Variants in RET observed in about 807,000 individuals in gnomAD.
The protein encoded by RET is ret proto-oncogene, also known as proto-oncogene tyrosine-protein kinase receptor Ret.
A neutral mutation model predicts 118.3 loss-of-function variants in RET; 19 were observed. The ratio of observed to expected loss-of-function variants is 0.16; its 90% CI spans 0.11 to 0.24. RET has a LOEUF of 0.24. Ranked by LOEUF, RET falls within the 10% of genes least tolerant of loss-of-function variation. The pLI, the probability that RET is intolerant of heterozygous loss-of-function variation, is 1.00. For synonymous variants in RET, 597 were observed against 644.1 expected, an observed-to-expected ratio of 0.93 and a Z score of 1.11; for missense variants, 1,219 against 1,502.1, an observed-to-expected ratio of 0.81 and a Z score of 3.12.
At chr10:43,125,045 C>T (rs932479394) in intron 18 of RET, 63 bp downstream of exon 18, 32 of 1,483,772 alleles carry the variant, frequency 2.2e-5, no homozygotes, top group Non-Finnish European at 2.9e-5. Context: ...AGCCTCACCC[C>T]AGGGCAGTAG....
At chr10:43,116,015 T>C (rs1203471887) in intron 11 of RET, among the ~76,000 whole-genome samples, 2 of 152,106 alleles carry the variant, frequency 1.3e-5, no homozygotes, top group African/African-American at 4.8e-5. Flanking sequence ...AGAGTTCAAG[T>C]ACTGGGGGCC....
chr10:43,120,257 G>C (rs2132966331), intron 15 of RET, 54 bp downstream of exon 15: 7 of 1,607,394 alleles, frequency 4.4e-6, no homozygotes, highest in Non-Finnish European at 5.1e-6. Flanking sequence ...GTGCACCATG[G>C]GGCAGGCAGT....
chr10:43,081,193 C>T (rs999053022), intron 1 of RET, among the ~76,000 whole-genome samples: 1 of 141,570 alleles, frequency 7.1e-6, no homozygotes, highest in Non-Finnish European at 1.6e-5. Flanking sequence ...CCCCCCCCAT[C>T]CCCCCTTCCT....
intron 1 of RET, among the ~76,000 whole-genome samples, chr10:43,086,421 C>G (rs533923516): frequency 6.6e-6 from 1 of 152,312 alleles, no homozygotes; most frequent in South Asian, 2.1e-4. Flanking sequence ...CTTAAATTTG[C>G]ACATGGACAT....
rs1838030104 is a variant in RET, at chr10:43,114,684, C to G, written c.2084C>G (p.Pro695Arg). The G allele has an allele frequency of 6.2e-7, 1 of 1,612,448 alleles. No homozygotes were observed. Among genetic ancestry groups the G allele is most frequent in the Middle Eastern group, 1.7e-4 (1 of 6,060 alleles). ...VSYSSSGARR[P>R]SLDSMENQVS... ...TACTCCTCTTCCGGTGCCCGCCGGC[C>G]CTCGCTGGACTCCATGGAGAACCAG... The change falls in exon 11 of 20, where the codon CCC (proline) becomes CGC (arginine). Residue 695 changes from proline (P) to arginine (R), a missense_variant. By Grantham distance (103) the Pro-to-Arg change is moderately radical (BLOSUM62 -2). This residue lies in a region of RET where 850 missense variants were observed against 969.6 expected (regional missense o/e 0.88). Coordinates refer to ENST00000355710, the MANE Select transcript of RET (RefSeq NM_020975.6). This position sits in a 1 kb window ranked among gnomAD's most constrained non-coding sequence, Gnocchi z 4.6.
intron 4 of RET, 125 bp downstream of exon 4, chr10:43,105,318 C>T: frequency 7.0e-7 from 1 of 1,433,908 alleles, no homozygotes; most frequent in South Asian, 1.2e-5. Flanking sequence ...TTCATTTGTC[C>T]TTCGCCTCCG....
chr10:43,104,901 G>GC (rs923467331), intron 3 of RET, 51 bp from the exon 4 acceptor site: 1 of 1,538,254 alleles, frequency 6.5e-7, no homozygotes, highest in African/African-American at 1.4e-5. Context: ...AAAGCGGCTG[G>GC]CCCGGTCCCG....
chr10:43,128,844 C>G lies in RET; in HGVS notation c.*575C>G, dbSNP rs576656916. ...CGAGGATGGGCCTGGGCTCAGCATT[C>G]GAGATCTTGAGAATGATTTTTTTTA... On this transcript the variant is annotated 3_prime_UTR_variant, in exon 20 of 20. Transcript: ENST00000355710. 7 of 237,572 alleles carry G rather than the reference C, an allele frequency of 2.9e-5. No individual in the cohort carries two copies. Among genetic ancestry groups the G allele is most frequent in the Admixed American group, 1.1e-4 (2 of 18,776 alleles). 14.7% of individuals were successfully genotyped at this position (237,572 alleles called of 1,614,324 possible).
At position 43,114,382 on chromosome 10, in the gene RET, C is replaced by T. The variant is rs543132583; in HGVS notation, c.1880-98C>T. On this transcript the variant is annotated intron_variant, in intron 10 of 19. Transcript: ENST00000355710. This position sits in a 1 kb window ranked among gnomAD's most constrained non-coding sequence, Gnocchi z 4.6. ...GGCCACTTCCCAGCTGGCGCGGACA[C>T]GGCAGGCTGGAGAGCCATGAGGCAG... The T allele has an allele frequency of 6.9e-5, 105 of 1,532,294 alleles. No individual in the cohort carries two copies. The highest frequency in any genetic ancestry group is 2.0e-4 in the Middle Eastern group (1 of 5,028). The allele number at this position is 1,532,294 out of a possible 1,614,324, so 94.9% of individuals were successfully genotyped here. A position where few individuals can be genotyped will look rare whatever the true frequency, so the allele number is the denominator to read the frequency against.
chr10:43,082,975 G>A (rs1289639719), intron 1 of RET, among the ~76,000 whole-genome samples: 1 of 152,146 alleles, frequency 6.6e-6, no homozygotes, highest in East Asian at 1.9e-4. Context: ...GCTGGGCTAG[G>A]GGCCAGGGGC....
rs763327195 is a variant in RET, at chr10:43,077,348, G to A, written c.73+17G>A. On this transcript the variant is annotated intron_variant, in intron 1 of 19. Transcript: ENST00000355710. The stretch of plus-strand genomic sequence containing the variant: ...TAGGCAAAGGTGAGTTCTGCCGGCC[G>A]CCGGCTCCCGCAGGGGCCAGGGCGA... The A allele has an allele frequency of 1.3e-6, 2 of 1,504,556 alleles. No homozygotes were observed. Among genetic ancestry groups the A allele is most frequent in the Non-Finnish European group, 8.8e-7 (1 of 1,131,934 alleles). The allele number at this position is 1,504,556 out of a possible 1,614,324, so 93.2% of individuals were successfully genotyped here.
chr10:43,108,778 T>C (rs1352891999), intron 5 of RET, among the ~76,000 whole-genome samples: 2 of 152,036 alleles, frequency 1.3e-5, no homozygotes, highest in African/African-American at 4.8e-5. Flanking sequence ...CCCCATACAA[T>C]GCGTACACAT....
In RET at chr10:43,077,211, C is replaced by T. The variant is rs1388411412; in HGVS notation, c.-48C>T. 2.1e-6 allele frequency: 3 copies of T among 1,457,184 alleles called. No individual in the cohort carries two copies. The highest frequency in any genetic ancestry group is 1.8e-6 in the Non-Finnish European group (2 of 1,105,586). 90.3% of individuals were successfully genotyped at this position (1,457,184 alleles called of 1,614,324 possible). ...CGCCGCACCCGCCATCCAGACCCGC[C>T]GGCCCTAGCCGCAGTCCCTCCAGCC... On this transcript the variant is annotated 5_prime_UTR_variant, in exon 1 of 20. Transcript: ENST00000355710.
In RET at chr10:43,106,871, A is replaced by C. The variant is rs557441387; in HGVS notation, c.1063+300A>C. 1.0e-3 allele frequency among the ~76,000 whole-genome samples: 156 copies of C among 152,206 alleles called. No individual in the cohort carries two copies. The highest frequency in any genetic ancestry group is 6.8e-3 in the Middle Eastern group (2 of 294). On this transcript the variant is annotated intron_variant, in intron 5 of 19. Coordinates refer to ENST00000355710, the MANE Select transcript of RET (RefSeq NM_020975.6). The surrounding 1 kb of genome is among the most constrained non-coding windows in gnomAD (Gnocchi z 5.1). Reference sequence around the variant, plus strand: ...GGCTCACCACCGACTGCAAACACACATGTCACCTGAGGCTTTCCTCCAGCC... The same window carrying C: ...GGCTCACCACCGACTGCAAACACACCTGTCACCTGAGGCTTTCCTCCAGCC...
intron 4 of RET, among the ~76,000 whole-genome samples, chr10:43,105,828 C>T (rs1389117368): frequency 6.6e-6 from 1 of 152,168 alleles, no homozygotes; most frequent in African/African-American, 2.4e-5. Flanking sequence ...TGAGTAAAGG[C>T]TATGTGGGCC....
chr10:43,086,099 C>T (rs1398819757), intron 1 of RET, among the ~76,000 whole-genome samples: 1 of 152,232 alleles, frequency 6.6e-6, no homozygotes, highest in Non-Finnish European at 1.5e-5. Flanking sequence ...CTCTGCATGC[C>T]TGTCACTGAA....
chr10:43,109,056 C>T lies in RET; in HGVS notation c.1089C>T (p.Ser363=), dbSNP rs1467517098. 1 of 1,613,502 alleles carries T rather than the reference C, an allele frequency of 6.2e-7. No individual in the cohort carries two copies. The highest frequency in any genetic ancestry group is 1.1e-5 in the South Asian group (1 of 91,082). ...DYRLVLNRNL[S]ISENRTMQLA... ...GGCTGGTTCTCAACCGGAACCTCTC[C>T]ATCTCGGAGAACCGCACCATGCAGC... Residue 363 remains serine (S), a synonymous_variant, in exon 6 of 20, where the codon TCC becomes TCT. Coordinates refer to ENST00000355710, the MANE Select transcript of RET (RefSeq NM_020975.6).
At chr10:43,093,024 G>C (rs887493068) in intron 1 of RET, among the ~76,000 whole-genome samples, 2 of 152,136 alleles carry the variant, frequency 1.3e-5, no homozygotes, top group Non-Finnish European at 2.9e-5. Context: ...GTACTGGCTC[G>C]TTGATTCATT....
intron 1 of RET, among the ~76,000 whole-genome samples, chr10:43,090,019 C>G (rs909059521): frequency 6.6e-6 from 1 of 152,178 alleles, no homozygotes; most frequent in African/African-American, 2.4e-5. Flanking sequence ...CCAGGCTGAG[C>G]GAGCGAGCAC....
Sources: allele counts gnomAD v4.1 joint callset (sites outside exome capture counted in the v4.1 genomes callset), GRCh38; gene constraint gnomAD v4.1.1; regional missense constraint gnomAD v4.1.1; non-coding constraint Gnocchi (gnomAD v3.1); transcripts MANE v1.5; gene names NCBI Gene and HGNC (gene_info 2026-07-23, HGNC 2026-07-21).